The following MOK variants were observed in gnomAD, a reference collection of about 807,000 sequenced individuals.
MOK encodes MAPK/MAK/MRK overlapping kinase.
MOK carries 59 observed loss-of-function variants against 54.2 expected under a neutral mutation model. That is an observed-to-expected ratio of 1.09 (90% CI 0.88 to 1.35). The LOEUF is 1.35. Among genes scored for constraint, MOK ranks in the 40% most tolerant of loss-of-function variants. The pLI is 0.00. For missense variants in MOK, 517 were observed against 526.2 expected, an observed-to-expected ratio of 0.98 and a Z score of 0.17; for synonymous variants, 210 against 202.7, an observed-to-expected ratio of 1.04 and a Z score of -0.31.
At chr14:102,233,359 C>G in intron 8 of MOK, 1 of 272,892 alleles carries the variant, frequency 3.7e-6, no homozygotes, top group Non-Finnish European at 7.1e-6. Context: ...CCCTCACCAC[C>G]TATGCTCTGT....
chr14:102,242,441 G>C (rs368177078), intron 7 of MOK, among the ~76,000 whole-genome samples: 1 of 151,934 alleles, frequency 6.6e-6, no homozygotes, highest in East Asian at 1.9e-4. Flanking sequence ...CCTCATTGCT[G>C]CCCTTTTCCT....
chr14:102,276,641 A>G (rs2068888679), intron 2 of MOK, among the ~76,000 whole-genome samples: 1 of 151,878 alleles, frequency 6.6e-6, no homozygotes, highest in African/African-American at 2.4e-5. Context: ...CATACAAAAA[A>G]TTAGCCGGGT....
chr14:102,247,741 G>C (rs2066199956), intron 7 of MOK, among the ~76,000 whole-genome samples: 1 of 152,214 alleles, frequency 6.6e-6, no homozygotes, highest in Non-Finnish European at 1.5e-5. Context: ...CCTCTTTCTA[G>C]ATGAACAGTG....
rs760872343 is a variant in MOK at position 102,250,844 on chromosome 14, C to T, written c.558G>A (p.Trp186Ter). Residue 186 changes from tryptophan to a stop codon, truncating the protein, a stop_gained, in exon 7 of 12, where the codon TGG becomes TGA. Transcript: ENST00000361847. LOFTEE classifies it high-confidence loss of function. ...DGFYTYKMDL[W>*]SAGCVFYEIA... is the part of the protein sequence containing the mutation. ...TCTCGTAGAACACACAGCCGGCGCT[C>T]CACAGGTCCATCTTGTACGTGTAGA... The T allele has an allele frequency of 6.2e-7, 1 of 1,614,072 alleles. No individual in the cohort carries two copies.
intron 2 of MOK, among the ~76,000 whole-genome samples, chr14:102,271,560 CA>C (rs1471567960): frequency 6.6e-6 from 1 of 152,050 alleles, no homozygotes; most frequent in East Asian, 1.9e-4. Context: ...CAAAACCTAA[CA>C]AAAACTTTTT....
At chr14:102,290,858 A>G (rs1420410720) in intron 1 of MOK, among the ~76,000 whole-genome samples, 2 of 152,214 alleles carry the variant, frequency 1.3e-5, no homozygotes, top group Non-Finnish European at 2.9e-5. Context: ...ATATGAGATG[A>G]GTCTCCAAAT....
At chr14:102,264,856 C>G (rs1368849455) in intron 3 of MOK, among the ~76,000 whole-genome samples, 3 of 152,236 alleles carry the variant, frequency 2.0e-5, no homozygotes, top group Admixed American at 2.0e-4. Context: ...AGCGAAGCTT[C>G]TACACTGAGG....
intron 2 of MOK, among the ~76,000 whole-genome samples, chr14:102,274,974 C>CAAA (rs756843133): frequency 9.3e-6 from 1 of 106,966 alleles, no homozygotes; most frequent in East Asian, 3.1e-4. Context: ...GACTCTGTCT[C>CAAA]AAAAAAAAAA....
intron 2 of MOK, among the ~76,000 whole-genome samples, chr14:102,274,735 G>C (rs977672702): frequency 6.6e-6 from 1 of 151,852 alleles, no homozygotes; most frequent in African/African-American, 2.4e-5. Flanking sequence ...AGCACTTTGG[G>C]AGGACGAGGC....
chr14:102,246,891 C>T (rs1648630799), intron 7 of MOK, among the ~76,000 whole-genome samples: 1 of 151,852 alleles, frequency 6.6e-6, no homozygotes, highest in African/African-American at 2.4e-5. Context: ...GTGCAACTTA[C>T]ACCGCACAAC....
chr14:102,234,014 C>G, intron 7 of MOK: 1 of 469,992 alleles, frequency 2.1e-6, no homozygotes, highest in Non-Finnish European at 3.8e-6. Context: ...GTGACCATAC[C>G]GAAGAACTCC....
In MOK at chr14:102,304,973, G is replaced by A. The variant is rs2072631857; in HGVS notation, c.-5C>T. On this transcript the variant is annotated 5_prime_UTR_variant, in exon 1 of 12. Transcript: ENST00000361847. ...CCGGCCCCACTCACTCTTCATCTTGGATGCGGAAGCCGGTGACAACCCCTT... is the reference window on the plus strand; with the variant it reads ...CCGGCCCCACTCACTCTTCATCTTGAATGCGGAAGCCGGTGACAACCCCTT... The A allele has an allele frequency of 1.2e-6, 2 of 1,610,436 alleles. No homozygotes were observed. The highest frequency in any genetic ancestry group is 1.7e-6 in the Non-Finnish European group (2 of 1,178,804).
chr14:102,289,086 G>A (rs913100603), intron 1 of MOK, among the ~76,000 whole-genome samples: 1 of 151,954 alleles, frequency 6.6e-6, no homozygotes, highest in African/African-American at 2.4e-5. Flanking sequence ...TGTATTTTTT[G>A]TAGAGACAGG....
At position 102,229,331 on chromosome 14, in the gene MOK, C is replaced by T. The variant is rs2064427021; in HGVS notation, c.1218G>A (p.Gln406=). 1.2e-6 allele frequency: 2 copies of T among 1,613,792 alleles called. No individual in the cohort carries two copies. The highest frequency in any genetic ancestry group is 8.5e-7 in the Non-Finnish European group (1 of 1,179,816). ...DPQKDLKPAP[Q]QCRLPTIVRK... is the part of the protein sequence containing the mutation. ...GCACTATGGTGGGCAGGCGACACTG[C>T]TGCGGGGCAGGCTTAAGGTCCTTCT... The change falls in exon 12 of 12, where the codon CAG becomes CAA. Residue 406 remains glutamine (Q), a synonymous_variant. Transcript: ENST00000361847.
At chr14:102,299,117 G>A (rs532393265) in intron 1 of MOK, among the ~76,000 whole-genome samples, 19 of 152,162 alleles carry the variant, frequency 1.2e-4, no homozygotes, top group Admixed American at 7.9e-4. Context: ...CACCAACTGC[G>A]GACACACCAG....
In MOK at chr14:102,233,729, G is replaced by A; in HGVS notation, c.651C>T (p.Val217=). The part of the protein sequence containing the change: ...ELDQISKIHD[V]IGTPAQKILT... ...GGATCTTCTGAGCGGGTGTGCCGAT[G>A]ACATCGTGGATTTTTGAGATTTGGT... The change falls in exon 8 of 12, where the codon GTC becomes GTT. Residue 217 remains valine, a synonymous_variant. Transcript: ENST00000361847. The A allele has an allele frequency of 6.2e-7, 1 of 1,614,142 alleles. No homozygotes were observed. Among genetic ancestry groups the A allele is most frequent in the Non-Finnish European group, 8.5e-7 (1 of 1,179,990 alleles).
chr14:102,250,482 C>A (rs1297852468), intron 7 of MOK, among the ~76,000 whole-genome samples: 1 of 152,026 alleles, frequency 6.6e-6, no homozygotes, highest in Non-Finnish European at 1.5e-5. Context: ...TATGACTGCA[C>A]CTCTCAGGGG....
rs867037423 is a variant in MOK at position 102,279,580 on chromosome 14, A to G, written c.122+3898T>C. 2.5e-4 allele frequency among the ~76,000 whole-genome samples: 38 copies of G among 152,154 alleles called. 1 individual carries two copies. The highest frequency in any genetic ancestry group is 6.7e-4 in the African/African-American group (28 of 41,540). On this transcript the variant is annotated intron_variant, in intron 2 of 11. Transcript: ENST00000361847. ...CTTGGCCTCCCAAAGTGCTGGGATTATAGGTGTGAGACCCACTGTGCCCAA... is the reference window on the plus strand; with the variant it reads ...CTTGGCCTCCCAAAGTGCTGGGATTGTAGGTGTGAGACCCACTGTGCCCAA...
chr14:102,254,660 C>CT (rs1400441698), intron 4 of MOK, among the ~76,000 whole-genome samples: 2 of 152,144 alleles, frequency 1.3e-5, no homozygotes, highest in African/African-American at 2.4e-5. Context: ...CATACTGTCC[C>CT]TCCCCATCTC....
Sources: gnomAD v4.1 joint callset for allele counts (sites outside exome capture counted in the v4.1 genomes callset) on GRCh38, gnomAD v4.1.1 for gene constraint, MANE v1.5 for transcripts, NCBI Gene and HGNC (gene_info 2026-07-23, HGNC 2026-07-21) for gene names.